DCDC1: variants seen among roughly 807,000 people sequenced by gnomAD.
DCDC1 encodes the protein doublecortin domain containing 1.
Under a neutral mutation model 178.3 loss-of-function variants are expected in DCDC1, and 200 were observed. That is an observed-to-expected ratio of 1.12 (90% confidence interval 1.00 to 1.26). DCDC1 has a LOEUF of 1.26. Ranked by LOEUF, DCDC1 falls within the 50% of genes most tolerant of loss-of-function variation. The pLI, the probability that DCDC1 is intolerant of heterozygous loss-of-function variation, is 0.00. For synonymous variants in DCDC1, 690 were observed against 604.8 expected (o/e 1.14, Z -2.07); for missense variants, 1,983 against 1,749.2 (o/e 1.13, Z -2.38).
intron 38 of DCDC1, among the ~76,000 whole-genome samples, chr11:30,867,751 T>C (rs1391254154): frequency 6.6e-6 from 1 of 152,132 alleles, no homozygotes; most frequent in Non-Finnish European, 1.5e-5. Flanking sequence ...TGAGCACCTG[T>C]AGAAAGGACC....
chr11:31,303,775 A>G (rs1948275955), intron 6 of DCDC1, among the ~76,000 whole-genome samples: 1 of 152,144 alleles, frequency 6.6e-6, no homozygotes, highest in Non-Finnish European at 1.5e-5. Context: ...GTGATATGCT[A>G]GTCTGTGTCC....
chr11:30,932,781 G>C (rs1356280480), intron 21 of DCDC1, among the ~76,000 whole-genome samples: 2 of 152,130 alleles, frequency 1.3e-5, no homozygotes, highest in African/African-American at 4.8e-5. Flanking sequence ...GTAAAAAGAG[G>C]GATAGAGTAG....
intron 18 of DCDC1, among the ~76,000 whole-genome samples, chr11:31,071,945 A>G (rs1956592536): frequency 6.6e-6 from 1 of 152,200 alleles, no homozygotes; most frequent in South Asian, 2.1e-4. Context: ...AGTTAGAACT[A>G]CCCAAGTAAG....
At chr11:31,074,327 T>G (rs934024056) in intron 18 of DCDC1, among the ~76,000 whole-genome samples, 1 of 152,176 alleles carries the variant, frequency 6.6e-6, no homozygotes, top group African/African-American at 2.4e-5. Context: ...AAAAGTCATT[T>G]GCTATGGTCT....
intron 20 of DCDC1, among the ~76,000 whole-genome samples, chr11:30,974,049 C>CA (rs1026222771): frequency 2.1e-4 from 31 of 150,344 alleles, no homozygotes; most frequent in African/African-American, 5.1e-4. Flanking sequence ...CTTCTCAGAC[C>CA]AAAAAAAAGA....
At chr11:30,994,409 A>T (rs1951139035) in intron 20 of DCDC1, among the ~76,000 whole-genome samples, 1 of 151,632 alleles carries the variant, frequency 6.6e-6, no homozygotes, top group Non-Finnish European at 1.5e-5. Context: ...CTCATGCCTC[A>T]GCCTCCCAAG....
intron 9 of DCDC1, among the ~76,000 whole-genome samples, chr11:31,171,676 C>T (rs1036011460): frequency 1.3e-5 from 2 of 152,170 alleles, no homozygotes; most frequent in African/African-American, 4.8e-5. Context: ...AACTTGTGGA[C>T]CCGGAGTCAT....
chr11:31,127,435 C>A, intron 11 of DCDC1, 34 bp downstream of exon 11: 1 of 693,634 alleles, frequency 1.4e-6, no homozygotes, highest in Non-Finnish European at 2.6e-6. Flanking sequence ...TCTGCTCTGG[C>A]TGAATCCAAT....
chr11:30,963,464 A>T (rs1949238262), intron 20 of DCDC1, among the ~76,000 whole-genome samples: 1 of 152,168 alleles, frequency 6.6e-6, no homozygotes, highest in African/African-American at 2.4e-5. Context: ...ATCTATTACA[A>T]GATTTCTTTG....
chr11:31,105,814 T>C (rs1175437786), intron 13 of DCDC1, among the ~76,000 whole-genome samples: 1 of 152,136 alleles, frequency 6.6e-6, no homozygotes, highest in East Asian at 1.9e-4. Context: ...ATTTTAACTA[T>C]TTGAATATAT....
At chr11:31,153,562 C>A (rs894721912) in intron 9 of DCDC1, among the ~76,000 whole-genome samples, 1 of 152,056 alleles carries the variant, frequency 6.6e-6, no homozygotes, top group Admixed American at 6.6e-5. Context: ...GCGGGCGGAT[C>A]ACTTGAGGTC....
At position 31,323,219 on chromosome 11, in the gene DCDC1, G is replaced by A. The variant is rs559327949; in HGVS notation, c.164+4898C>T. Among the ~76,000 whole-genome samples the A allele has an allele frequency of 8.5e-5, 13 of 152,198 alleles. No individual in the cohort carries two copies. In the East Asian group the frequency reaches 9.7e-4, roughly 11 times the overall value. On this transcript the variant is annotated intron_variant, in intron 3 of 38. Transcript: ENST00000684477. ...ATAATTCTATTCTTAAGCAGGAAAC[G>A]CGGCTACTTTGACAGACCCTGGCTC...
At chr11:31,251,285 A>G (rs1460589694) in intron 8 of DCDC1, among the ~76,000 whole-genome samples, 1 of 152,198 alleles carries the variant, frequency 6.6e-6, no homozygotes, top group Non-Finnish European at 1.5e-5. Context: ...GCCTACTTTT[A>G]TGTGCCAACT....
At chr11:31,210,400 T>C (rs1972356017) in intron 9 of DCDC1, among the ~76,000 whole-genome samples, 1 of 152,210 alleles carries the variant, frequency 6.6e-6, no homozygotes, top group South Asian at 2.1e-4. Flanking sequence ...TAGCATTTAC[T>C]GAGCTCTTAC....
At chr11:30,976,534 A>T (rs769202541) in intron 20 of DCDC1, among the ~76,000 whole-genome samples, 1 of 151,300 alleles carries the variant, frequency 6.6e-6, no homozygotes, top group African/African-American at 2.5e-5. Flanking sequence ...ATGTGAATAG[A>T]CTTAAAAAAA....
chr11:31,351,241 T>A (rs1185959600), intron 1 of DCDC1, among the ~76,000 whole-genome samples: 5 of 152,112 alleles, frequency 3.3e-5, no homozygotes, highest in Admixed American at 3.3e-4. Context: ...AAAATATGCA[T>A]TAGAATAAAT....
At chr11:31,209,358 T>A (rs1352602343) in intron 9 of DCDC1, among the ~76,000 whole-genome samples, 1 of 152,132 alleles carries the variant, frequency 6.6e-6, no homozygotes, top group Non-Finnish European at 1.5e-5. Flanking sequence ...AGGAATAGTC[T>A]GAGAGGGGAA....
At chr11:31,237,439 T>C (rs1227047335) in intron 9 of DCDC1, among the ~76,000 whole-genome samples, 1 of 151,888 alleles carries the variant, frequency 6.6e-6, no homozygotes, top group African/African-American at 2.4e-5. Context: ...ATATGCCAAA[T>C]ATAGAACTTT....
At chr11:30,971,244 A>AC (rs200453600) in intron 20 of DCDC1, among the ~76,000 whole-genome samples, 3,294 of 152,108 alleles carry the variant, frequency 0.022, 124 homozygotes, top group African/African-American at 0.076. Context: ...AGACACACAC[A>AC]AAAAAAAGAA....
Sources: gnomAD v4.1 joint callset for allele counts (sites outside exome capture counted in the v4.1 genomes callset) on GRCh38, gnomAD v4.1.1 for gene constraint, MANE v1.5 for transcripts, NCBI Gene and HGNC (gene_info 2026-07-23, HGNC 2026-07-21) for gene names.